Variants in FERMT2 observed in about 807,000 individuals in gnomAD.
FERMT2 encodes the protein fermitin family homolog 2.
Under a neutral mutation model 82.7 loss-of-function variants are expected in FERMT2, and 15 were observed. The observed-to-expected ratio is 0.18, with a 90% confidence interval of 0.12 to 0.28. The LOEUF is 0.28. Among genes scored for constraint, FERMT2 ranks in the 10% least tolerant of loss-of-function variants. The pLI is 1.00. For synonymous variants in FERMT2, 274 were observed against 271.5 expected, an observed-to-expected ratio of 1.01 and a Z score of -0.09; for missense variants, 645 against 809.4, an observed-to-expected ratio of 0.80 and a Z score of 2.46.
intron 9 of FERMT2, 32 bp downstream of exon 9, chr14:52,874,145 T>C (rs1885809556): frequency 6.3e-6 from 9 of 1,430,394 alleles, no homozygotes; most frequent in Non-Finnish European, 8.7e-6. Context: ...TGACAGTTAT[T>C]AATATTTGGC....
intron 2 of FERMT2, among the ~76,000 whole-genome samples, chr14:52,922,431 A>AG (rs1300246781): frequency 6.6e-6 from 1 of 151,890 alleles, no homozygotes; most frequent in African/African-American, 2.4e-5. Context: ...ACAGTGAAAG[A>AG]GGGGGGCCTC....
At position 52,939,152 on chromosome 14, in the gene FERMT2, C is replaced by A. The variant is rs1490038948; in HGVS notation, c.157+11260G>T. The stretch of plus-strand genomic sequence containing the variant: ...GGTGGATCACTTGAGGTTAGGAATT[C>A]AAGACCAGCCTGGCCAACATGGTGA... On this transcript the variant is annotated intron_variant, in intron 2 of 14. Transcript: ENST00000341590. 7.6e-5 allele frequency among the ~76,000 whole-genome samples: 10 copies of A among 132,186 alleles called. No homozygotes were observed. In the Admixed American group the frequency reaches 8.4e-4, roughly 11 times the overall value. 86.7% of individuals were successfully genotyped at this position (132,186 alleles called of 152,430 possible).
intron 3 of FERMT2, among the ~76,000 whole-genome samples, chr14:52,905,314 G>A (rs1008282791): frequency 2.6e-5 from 4 of 152,112 alleles, no homozygotes; most frequent in Admixed American, 6.5e-5. Context: ...AACAGTAAAC[G>A]AGTAGAAAGT....
Position 52,904,895 on chromosome 14 carries a change from AGAAAGGGTT to A in FERMT2, c.392-11477_392-11469del, listed in dbSNP as rs1181439893. Among the ~76,000 whole-genome samples the A allele has an allele frequency of 2.9e-4, 44 of 152,222 alleles. No homozygotes were observed. In the South Asian group the frequency reaches 8.1e-3, roughly 28 times the overall value. On this transcript the variant is annotated intron_variant, in intron 3 of 14. Coordinates refer to ENST00000341590, the MANE Select transcript of FERMT2 (RefSeq NM_006832.3). ...AAAATTATAATAGTTATAATAAAGA[AGAAAGGGTT>A]GAGGCCAGGTGAGGTGGCTCATGCC...
At chr14:52,928,655 T>C (rs1359835455) in intron 2 of FERMT2, among the ~76,000 whole-genome samples, 1 of 152,168 alleles carries the variant, frequency 6.6e-6, no homozygotes, top group African/African-American at 2.4e-5. Flanking sequence ...TGGGGAAACC[T>C]ACTATTTTTT....
chr14:52,861,224 G>A, intron 12 of FERMT2: 1 of 557,728 alleles, frequency 1.8e-6, no homozygotes, highest in Non-Finnish European at 3.2e-6. Flanking sequence ...ATGAAAATGA[G>A]GAAGCAGCAA....
chr14:52,861,386 C>G (rs927161021), intron 12 of FERMT2: 2 of 224,550 alleles, frequency 8.9e-6, no homozygotes, highest in African/African-American at 4.6e-5. Flanking sequence ...ACATCGTGTA[C>G]CCAGTTCTCA....
rs1886108120 is a variant in FERMT2 at position 52,878,586 on chromosome 14, A to C, written c.959T>G (p.Leu320Arg). The stretch of plus-strand genomic sequence containing the variant: ...TTTACTAGACCTTTCAACTACCTGC[A>C]GGGCTGCAAACATCATCATTTCTTC... ...TEEEMMMFAA[L>R]QYHINKLSIM... is the part of the protein sequence containing the mutation. The change falls in exon 7 of 15, where the codon CTG becomes CGG. Residue 320 changes from leucine (L) to arginine (R), a missense_variant. By Grantham distance (102) the Leu-to-Arg change is moderately radical. Coordinates refer to ENST00000341590, the MANE Select transcript of FERMT2 (RefSeq NM_006832.3). 2 of 1,603,484 alleles carry C rather than the reference A, an allele frequency of 1.2e-6. No homozygotes were observed. Among genetic ancestry groups the C allele is most frequent in the Non-Finnish European group, 1.7e-6 (2 of 1,172,680 alleles).
intron 2 of FERMT2, among the ~76,000 whole-genome samples, chr14:52,942,069 A>C (rs1890110457): frequency 6.6e-6 from 1 of 152,108 alleles, no homozygotes; most frequent in Non-Finnish European, 1.5e-5. Flanking sequence ...TGAGGAGTGC[A>C]ATTCCCCACC....
At chr14:52,886,357 A>T (rs1429265181) in intron 4 of FERMT2, among the ~76,000 whole-genome samples, 1 of 151,922 alleles carries the variant, frequency 6.6e-6, no homozygotes, top group Non-Finnish European at 1.5e-5. Context: ...GTATTTTTTT[A>T]GAGACAGGGT....
At chr14:52,939,063 T>C (rs1034736585) in intron 2 of FERMT2, among the ~76,000 whole-genome samples, 6 of 151,678 alleles carry the variant, frequency 4.0e-5, no homozygotes, top group Non-Finnish European at 7.4e-5. Flanking sequence ...GTCAGACCTA[T>C]TTGGCTTCTG....
chr14:52,932,685 A>G (rs1185085296), intron 2 of FERMT2, among the ~76,000 whole-genome samples: 1 of 152,228 alleles, frequency 6.6e-6, no homozygotes, highest in Non-Finnish European at 1.5e-5. Context: ...AATAATTGGA[A>G]TAACTTCTGA....
chr14:52,921,599 A>G (rs949247485), intron 2 of FERMT2, among the ~76,000 whole-genome samples: 3 of 152,308 alleles, frequency 2.0e-5, no homozygotes, highest in African/African-American at 2.4e-5. Context: ...GGAACAGAAA[A>G]CTAAGGGCAG....
intron 2 of FERMT2, among the ~76,000 whole-genome samples, chr14:52,930,999 G>A (rs1364427159): frequency 6.6e-6 from 1 of 152,012 alleles, no homozygotes; most frequent in African/African-American, 2.4e-5. Context: ...GGGGATCATG[G>A]GGCATCCTGC....
At chr14:52,866,007 A>T (rs1485328474) in intron 10 of FERMT2, among the ~76,000 whole-genome samples, 3 of 152,232 alleles carry the variant, frequency 2.0e-5, no homozygotes, top group Non-Finnish European at 4.4e-5. Context: ...ATGTGTGACG[A>T]ACTGTTTAAT....
chr14:52,932,148 C>T (rs563596141), intron 2 of FERMT2, among the ~76,000 whole-genome samples: 25 of 152,284 alleles, frequency 1.6e-4, no homozygotes, highest in Middle Eastern at 3.4e-3. Context: ...GGCTAAAGTT[C>T]ATAAAGTTAG....
chr14:52,944,264 T>C (rs989692749), intron 2 of FERMT2, among the ~76,000 whole-genome samples: 2 of 152,238 alleles, frequency 1.3e-5, no homozygotes, highest in Non-Finnish European at 2.9e-5. Flanking sequence ...TTTAACATTG[T>C]TTCCTACTCC....
intron 7 of FERMT2, 41 bp from the exon 8 acceptor site, chr14:52,875,398 G>A: frequency 1.4e-6 from 2 of 1,423,012 alleles, no homozygotes; most frequent in South Asian, 1.3e-5. Flanking sequence ...TGCTATAACT[G>A]TAAAACTCTA....
intron 3 of FERMT2, among the ~76,000 whole-genome samples, chr14:52,916,184 A>G (rs183575378): frequency 1.0e-3 from 159 of 152,134 alleles, no homozygotes; most frequent in Non-Finnish European, 1.8e-3. Context: ...TCTATACTAA[A>G]AATACAAAAA....
Sources: gnomAD v4.1 joint callset for allele counts (sites outside exome capture counted in the v4.1 genomes callset) on GRCh38, gnomAD v4.1.1 for gene constraint, MANE v1.5 for transcripts, NCBI Gene and HGNC (gene_info 2026-07-23, HGNC 2026-07-21) for gene names.